The following RIMS3 variants were observed in gnomAD, a reference collection of about 807,000 sequenced individuals.
RIMS3 encodes the protein regulating synaptic membrane exocytosis 3, also known as regulating synaptic membrane exocytosis protein 3.
In RIMS3, 15 loss-of-function variants were observed where a neutral mutation model predicts 29.2. That is an observed-to-expected ratio of 0.51 (90% CI 0.34 to 0.79). The LOEUF (loss-of-function observed/expected upper bound fraction) is 0.79. RIMS3 is among the 30% of genes least tolerant of loss of function. The pLI, the probability that RIMS3 is intolerant of heterozygous loss-of-function variation, is 0.01. For missense variants in RIMS3, 342 were observed against 421.4 expected, an observed-to-expected ratio of 0.81 and a Z score of 1.65; for synonymous variants, 161 against 170.1, an observed-to-expected ratio of 0.95 and a Z score of 0.41.
rs1265506173 is a variant in RIMS3 at position 40,621,044 on chromosome 1, T to TAAGG, written c.*5469_*5472dup. ...GTTGAGCTATCAGGCCCACTCTTCC[T>TAAGG]AAGGAAGCAGCTGCCCCACCTTCTG... On this transcript the variant is annotated 3_prime_UTR_variant, in exon 8 of 8. Transcript: ENST00000372684. 6.6e-6 allele frequency: 1 copy of TAAGG among 152,332 alleles called. No individual in the cohort carries two copies. Among genetic ancestry groups the TAAGG allele is most frequent in the African/African-American group, 2.4e-5 (1 of 41,476 alleles). 9.4% of individuals were successfully genotyped at this position (152,332 alleles called of 1,614,324 possible).
chr1:40,687,159 G>A, the RIMS3 span, among the ~76,000 whole-genome samples: 1 of 152,192 alleles, frequency 6.6e-6, no homozygotes, highest in East Asian at 1.9e-4. Flanking sequence ...AAAGGTGAAA[G>A]TAGAATGGTG....
rs996316905 is a variant in RIMS3 at position 40,623,729 on chromosome 1, A to G, written c.*2788T>C. The G allele has an allele frequency of 4.4e-5, 17 of 382,952 alleles. No homozygotes were observed. Among genetic ancestry groups the G allele is most frequent in the Admixed American group, 9.5e-5 (2 of 21,002 alleles). 23.7% of individuals were successfully genotyped at this position (382,952 alleles called of 1,614,324 possible). A position where few individuals can be genotyped will look rare whatever the true frequency, so the allele number is the denominator to read the frequency against. ...AAACAACCAGGAGTTACACTTGTGC[A>G]TTCTCCTCTTCTGGGACAGGCTAGG... On this transcript the variant is annotated 3_prime_UTR_variant, in exon 8 of 8. Transcript: ENST00000372684.
intron 1 of RIMS3, among the ~76,000 whole-genome samples, chr1:40,652,232 C>G (rs1203129237): frequency 6.6e-6 from 1 of 152,166 alleles, no homozygotes; most frequent in African/African-American, 2.4e-5. Context: ...CAAACGGAAG[C>G]AAGATTCCGT....
intron 2 of RIMS3, among the ~76,000 whole-genome samples, chr1:40,645,787 T>C (rs1646591256): frequency 6.6e-6 from 1 of 152,116 alleles, no homozygotes; most frequent in Non-Finnish European, 1.5e-5. Flanking sequence ...TGTTTCCTCA[T>C]GAATAATAAA....
chr1:40,673,443 A>G, the RIMS3 span: 1 of 152,100 alleles, frequency 6.6e-6, no homozygotes, highest in Non-Finnish European at 1.5e-5. Flanking sequence ...CCTCATCTTC[A>G]CATTCTCCGC....
intron 2 of RIMS3, among the ~76,000 whole-genome samples, chr1:40,642,408 T>C (rs1413130716): frequency 6.6e-6 from 1 of 152,172 alleles, no homozygotes; most frequent in Non-Finnish European, 1.5e-5. Flanking sequence ...TCAGTAAGTA[T>C]TGGTGGTTAT....
chr1:40,640,371 C>G (rs7555073), intron 3 of RIMS3, among the ~76,000 whole-genome samples: 1 of 151,964 alleles, frequency 6.6e-6, no homozygotes, highest in South Asian at 2.1e-4. Flanking sequence ...CTTTCCCCAG[C>G]GAGAAACCAC....
the RIMS3 span, among the ~76,000 whole-genome samples, chr1:40,671,945 A>T: frequency 6.6e-6 from 1 of 151,298 alleles, no homozygotes; most frequent in Admixed American, 6.6e-5. Flanking sequence ...TTTGGTAGAG[A>T]CAGGGTTTTA....
chr1:40,646,378 A>T (rs1295952203), intron 2 of RIMS3, among the ~76,000 whole-genome samples: 1 of 152,130 alleles, frequency 6.6e-6, no homozygotes, highest in Non-Finnish European at 1.5e-5. Flanking sequence ...AGTGGTTAGG[A>T]GCAGGCAGGA....
At position 40,630,563 on chromosome 1, in the gene RIMS3, C is replaced by T. The variant is rs116817667; in HGVS notation, c.473-1191G>A. 1.6e-3 allele frequency among the ~76,000 whole-genome samples: 250 copies of T among 152,304 alleles called. 2 individuals carry two copies. Among genetic ancestry groups the T allele is most frequent in the African/African-American group, 5.8e-3 (239 of 41,560 alleles). On this transcript the variant is annotated intron_variant, in intron 5 of 7. Coordinates refer to ENST00000372684, the MANE Select transcript of RIMS3 (RefSeq NM_014747.3). ...GGGATTTGCTAATTTCAAGAGACCT[C>T]CTGGAATTCATCCACCTCCATCCAG...
At chr1:40,686,181 T>A in the RIMS3 span, among the ~76,000 whole-genome samples, 1 of 151,886 alleles carries the variant, frequency 6.6e-6, no homozygotes, top group African/African-American at 2.4e-5. Context: ...CATTACCAGT[T>A]GAAAGGGCAA....
At chr1:40,671,581 C>G in the RIMS3 span, among the ~76,000 whole-genome samples, 1 of 151,940 alleles carries the variant, frequency 6.6e-6, no homozygotes, top group Non-Finnish European at 1.5e-5. Context: ...GTGGCACCAC[C>G]CGACCACTCT....
At chr1:40,642,096 T>G (rs1389512454) in intron 2 of RIMS3, 140 bp from the exon 3 acceptor site, 1 of 604,650 alleles carries the variant, frequency 1.7e-6, no homozygotes, top group African/African-American at 1.9e-5. Flanking sequence ...CAAACAAATG[T>G]CAAGAGCATG....
In RIMS3 at chr1:40,621,550, A is replaced by C. The variant is rs536371819; in HGVS notation, c.*4967T>G. On this transcript the variant is annotated 3_prime_UTR_variant, in exon 8 of 8. Coordinates refer to ENST00000372684, the MANE Select transcript of RIMS3 (RefSeq NM_014747.3). ...CAGGTGCACCAGGCTCGCAACCCTC[A>C]TGTGCTCCAGATCAGAGACTTTTAA... The C allele has an allele frequency of 6.6e-6, 1 of 152,296 alleles. No individual in the cohort carries two copies. The highest frequency in any genetic ancestry group is 1.5e-5 in the Non-Finnish European group (1 of 68,040). The allele number at this position is 152,296 out of a possible 1,614,324, so 9.4% of individuals were successfully genotyped here.
intron 5 of RIMS3, 75 bp downstream of exon 5, chr1:40,632,994 G>A (rs1023467473): frequency 8.9e-7 from 1 of 1,129,654 alleles, no homozygotes; most frequent in African/African-American, 1.5e-5. Context: ...GGCCAATGCA[G>A]GGCCCCCACT....
intron 5 of RIMS3, among the ~76,000 whole-genome samples, chr1:40,632,625 A>AT (rs1273981946): frequency 2.0e-5 from 3 of 151,394 alleles, no homozygotes; most frequent in East Asian, 1.9e-4. Context: ...ACTCTGTGGA[A>AT]TTTTTTTTCC....
At chr1:40,672,187 C>T in the RIMS3 span, among the ~76,000 whole-genome samples, 13 of 145,850 alleles carry the variant, frequency 8.9e-5, no homozygotes, top group East Asian at 2.0e-3. Context: ...TAGGAGATAG[C>T]TAGATGATTT....
chr1:40,652,883 A>G (rs756327762), intron 1 of RIMS3, among the ~76,000 whole-genome samples: 1 of 152,206 alleles, frequency 6.6e-6, no homozygotes, highest in South Asian at 2.1e-4. Context: ...GCACTGCTTT[A>G]GAAAGTGAGG....
At chr1:40,637,234 A>G (rs1467491294) in intron 3 of RIMS3, among the ~76,000 whole-genome samples, 1 of 152,058 alleles carries the variant, frequency 6.6e-6, no homozygotes, top group Non-Finnish European at 1.5e-5. Context: ...TGGGGAGGGG[A>G]TGTTCAAGAC....
Sources: allele counts gnomAD v4.1 joint callset (sites outside exome capture counted in the v4.1 genomes callset), GRCh38; gene constraint gnomAD v4.1.1; transcripts MANE v1.5; gene names NCBI Gene and HGNC (gene_info 2026-07-23, HGNC 2026-07-21).